The following DROSHA variants were observed in gnomAD, a reference collection of about 807,000 sequenced individuals.
The protein encoded by DROSHA is drosha ribonuclease III, also known as ribonuclease 3.
In DROSHA, 56 loss-of-function variants were observed where a neutral mutation model predicts 181.9. The ratio of observed to expected loss-of-function variants is 0.31; its 90% CI spans 0.25 to 0.38. The LOEUF is 0.38. Ranked by LOEUF, DROSHA falls within the 10% of genes least tolerant of loss-of-function variation. The pLI is 1.00. For synonymous variants in DROSHA, 524 were observed against 591.2 expected (o/e 0.89, Z 1.65); for missense variants, 1,218 against 1,743.5 (o/e 0.70, Z 5.37).
chr5:31,466,466 G>A (rs1479792654), intron 18 of DROSHA, 185 bp from the exon 19 acceptor site: 15 of 538,936 alleles, frequency 2.8e-5, no homozygotes, highest in Admixed American at 6.5e-5. Flanking sequence ...ATGGACAAGA[G>A]TCAACTGGAA....
chr5:31,427,340 G>A (rs1743601550), intron 27 of DROSHA, among the ~76,000 whole-genome samples: 1 of 152,088 alleles, frequency 6.6e-6, no homozygotes, highest in African/African-American at 2.4e-5. Flanking sequence ...AAACTTGAAG[G>A]GTTACACAAA....
intron 30 of DROSHA, among the ~76,000 whole-genome samples, chr5:31,420,433 T>C (rs776615154): frequency 1.5e-4 from 23 of 152,228 alleles, no homozygotes; most frequent in Non-Finnish European, 2.6e-4. Flanking sequence ...CAGGATATTA[T>C]TGATTGGTTT....
chr5:31,417,892 A>G (rs1020040329), intron 30 of DROSHA, among the ~76,000 whole-genome samples: 1 of 152,158 alleles, frequency 6.6e-6, no homozygotes, highest in Non-Finnish European at 1.5e-5. Flanking sequence ...ATGAGTTGAC[A>G]TAGGAAGACC....
At chr5:31,413,275 C>A (rs937677063) in intron 30 of DROSHA, among the ~76,000 whole-genome samples, 1 of 152,116 alleles carries the variant, frequency 6.6e-6, no homozygotes, top group African/African-American at 2.4e-5. Flanking sequence ...TAAGTTCTTG[C>A]CAAAAACCCA....
At position 31,435,671 on chromosome 5, in the gene DROSHA, T is replaced by C; in HGVS notation, c.3042+94A>G. ...GTAAAATATTAACACTCCTAATATA[T>C]CCTAACGAGTTACTTATTCAAATGC... On this transcript the variant is annotated intron_variant, in intron 25 of 35. Coordinates refer to ENST00000344624, the MANE Select transcript of DROSHA (RefSeq NM_001382508.1). 3 of 1,103,054 alleles carry C rather than the reference T, an allele frequency of 2.7e-6. No homozygotes were observed. The South Asian group carries it at 4.3e-5, about 16-fold the overall frequency. 68.3% of individuals were successfully genotyped at this position (1,103,054 alleles called of 1,614,324 possible). A position where few individuals can be genotyped will look rare whatever the true frequency, so the allele number is the denominator to read the frequency against.
In DROSHA at chr5:31,467,987, A is replaced by G; in HGVS notation, c.2318T>C (p.Val773Ala). ...CTGTGCAGGGCGTATCCCAAAGTGG[A>G]CGATAATCGGAAAAGTAATCACATC... Reference protein sequence around the residue: ...NPDVITFPIIVHFGIRPAQLS... With the variant: ...NPDVITFPIIAHFGIRPAQLS... The change falls in exon 18 of 36, where the codon GTC becomes GCC. Residue 773 changes from valine (V) to alanine (A), a missense_variant. Transcript: ENST00000344624. The G allele has an allele frequency of 6.2e-7, 1 of 1,611,886 alleles. No individual in the cohort carries two copies. Among genetic ancestry groups the G allele is most frequent in the Non-Finnish European group, 8.5e-7 (1 of 1,179,086 alleles).
chr5:31,405,906 C>T (rs1020649727), intron 34 of DROSHA, among the ~76,000 whole-genome samples, 183 bp from the exon 35 acceptor site: 2 of 149,706 alleles, frequency 1.3e-5, no homozygotes, highest in Non-Finnish European at 2.9e-5. Context: ...TAGGAATATA[C>T]ACAAGAGCAT....
chr5:31,429,235 T>C (rs1743842886), intron 27 of DROSHA, among the ~76,000 whole-genome samples: 1 of 152,142 alleles, frequency 6.6e-6, no homozygotes, highest in South Asian at 2.1e-4. Flanking sequence ...ATATTTAATT[T>C]ATAAGTGACC....
chr5:31,439,644 C>T (rs912825339), intron 23 of DROSHA, among the ~76,000 whole-genome samples: 4 of 151,874 alleles, frequency 2.6e-5, no homozygotes, highest in Non-Finnish European at 5.9e-5. Flanking sequence ...ATAATAGGTA[C>T]GTATGTGTAG....
intron 16 of DROSHA, among the ~76,000 whole-genome samples, chr5:31,479,728 T>C (rs1580237050): frequency 6.6e-6 from 1 of 152,170 alleles, no homozygotes; most frequent in Non-Finnish European, 1.5e-5. Flanking sequence ...CTATATTCAC[T>C]ATATATAACA....
chr5:31,487,428 A>G (rs573730522), intron 13 of DROSHA, among the ~76,000 whole-genome samples: 2 of 152,356 alleles, frequency 1.3e-5, no homozygotes, highest in South Asian at 4.1e-4. Flanking sequence ...CTGCCTACAC[A>G]TAACAGGTTT....
chr5:31,472,644 T>C (rs1424145132), intron 16 of DROSHA, among the ~76,000 whole-genome samples: 1 of 152,246 alleles, frequency 6.6e-6, no homozygotes, highest in African/African-American at 2.4e-5. Flanking sequence ...GAAGTGATGT[T>C]ACTGTCTTAA....
intron 20 of DROSHA, among the ~76,000 whole-genome samples, chr5:31,452,406 C>T (rs993663293): frequency 7.9e-5 from 12 of 152,168 alleles, no homozygotes; most frequent in Admixed American, 1.3e-4. Context: ...CCCAAGGACA[C>T]AGAATTTAAA....
At chr5:31,405,654 T>C (rs772206875) in intron 35 of DROSHA, 23 bp downstream of exon 35, 6 of 1,543,046 alleles carry the variant, frequency 3.9e-6, no homozygotes, top group Non-Finnish European at 5.2e-6. Flanking sequence ...TGAACATAAT[T>C]ATAGAAAAAA....
rs1175634178 is a variant in DROSHA at position 31,409,950 on chromosome 5, T to TA, written c.3668-619dup. 6.9e-6 allele frequency among the ~76,000 whole-genome samples: 1 copy of TA among 145,460 alleles called. No individual in the cohort carries two copies. Among genetic ancestry groups the TA allele is most frequent in the East Asian group, 2.1e-4 (1 of 4,878 alleles). On this transcript the variant is annotated intron_variant, in intron 31 of 35. Coordinates refer to ENST00000344624, the MANE Select transcript of DROSHA (RefSeq NM_001382508.1). The surrounding 1 kb of genome is among the most constrained non-coding windows in gnomAD (Gnocchi z 4.0). ...AATGGTGCATTTTCAAAAGAAGGAA[T>TA]AAAAATAGCTTTCATTGAGCTAAAA...
intron 20 of DROSHA, among the ~76,000 whole-genome samples, chr5:31,456,666 T>C (rs1369212243): frequency 3.3e-5 from 5 of 152,182 alleles, no homozygotes; most frequent in Non-Finnish European, 5.9e-5. Flanking sequence ...ACCACTAACA[T>C]AAAACTGTTT....
At chr5:31,477,283 T>C (rs1393740650) in intron 16 of DROSHA, among the ~76,000 whole-genome samples, 1 of 152,208 alleles carries the variant, frequency 6.6e-6, no homozygotes, top group Non-Finnish European at 1.5e-5. Context: ...ATTAAGAATA[T>C]GGCTGCTTAT....
At chr5:31,421,420 ATGGATTTCC>A in intron 29 of DROSHA, 43 bp from the exon 30 acceptor site, 1 of 1,484,326 alleles carries the variant, frequency 6.7e-7, no homozygotes, top group Admixed American at 1.8e-5. Context: ...ATAACCATTT[ATGGATTTCC>A]AAAAAAACAC....
At chr5:31,503,826 A>G (rs1245081365) in intron 11 of DROSHA, among the ~76,000 whole-genome samples, 3 of 152,238 alleles carry the variant, frequency 2.0e-5, no homozygotes, top group Non-Finnish European at 4.4e-5. Flanking sequence ...AGCAGAAGTG[A>G]TGCAAGTATT....
Sources: allele counts gnomAD v4.1 joint callset (sites outside exome capture counted in the v4.1 genomes callset), GRCh38; gene constraint gnomAD v4.1.1; non-coding constraint Gnocchi (gnomAD v3.1); transcripts MANE v1.5; gene names NCBI Gene and HGNC (gene_info 2026-07-23, HGNC 2026-07-21).